The following NBAS variants were observed in gnomAD, a reference collection of about 807,000 sequenced individuals.
The protein encoded by NBAS is NAG/BC035112 fusion.
NBAS carries 219 observed loss-of-function variants against 302.5 expected under a neutral mutation model. The observed-to-expected ratio is 0.72, with a 90% CI of 0.65 to 0.81. The LOEUF is 0.81. Ranked by LOEUF, NBAS falls within the 30% of genes least tolerant of loss-of-function variation. The pLI is 0.00. For synonymous variants in NBAS, 1,118 were observed against 1,021.6 expected, an observed-to-expected ratio of 1.09 and a Z score of -1.80; for missense variants, 2,932 against 2,841.6, an observed-to-expected ratio of 1.03 and a Z score of -0.72.
the NBAS span, among the ~76,000 whole-genome samples, chr2:14,962,249 T>C: frequency 2.0e-5 from 3 of 152,148 alleles, no homozygotes. Context: ...GTCTGGGACA[T>C]GGGAGATTTG....
intron 28 of NBAS, among the ~76,000 whole-genome samples, chr2:15,385,638 T>C (rs181799686): frequency 6.6e-6 from 1 of 152,296 alleles, no homozygotes; most frequent in East Asian, 1.9e-4. Context: ...GGAGAAATAG[T>C]AGTGTACTCA....
the NBAS span, among the ~76,000 whole-genome samples, chr2:14,847,753 T>C: frequency 1.3e-5 from 2 of 152,180 alleles, no homozygotes; most frequent in Non-Finnish European, 2.9e-5. Flanking sequence ...AAGAAACATC[T>C]GACTTAATCT....
chr2:15,427,642 C>T, intron 22 of NBAS, 69 bp downstream of exon 22: 1 of 1,326,340 alleles, frequency 7.5e-7, no homozygotes, highest in Admixed American at 1.9e-5. Context: ...TCAGACACCA[C>T]TTTCACAGGG....
the NBAS span, among the ~76,000 whole-genome samples, chr2:14,883,897 A>T: frequency 6.6e-6 from 1 of 151,786 alleles, no homozygotes; most frequent in Non-Finnish European, 1.5e-5. Flanking sequence ...TGAGGTTGAG[A>T]CTGCAGTGAA....
intron 1 of NBAS, 52 bp downstream of exon 1, chr2:15,561,136 C>A: frequency 1.3e-6 from 2 of 1,553,650 alleles, no homozygotes; most frequent in Admixed American, 1.7e-5. Flanking sequence ...GTGGCTCTAC[C>A]CACGAAGCGC....
At chr2:14,925,251 G>T in the NBAS span, among the ~76,000 whole-genome samples, 54,358 of 151,820 alleles carry the variant, frequency 0.36, 9,934 homozygotes, top group African/African-American at 0.44. Context: ...ATATACAGAG[G>T]TCTCACCAGT....
At chr2:15,176,909 A>C (rs1196182735) in intron 51 of NBAS, among the ~76,000 whole-genome samples, 1 of 152,228 alleles carries the variant, frequency 6.6e-6, no homozygotes, top group African/African-American at 2.4e-5. Flanking sequence ...AAAAGTTAAA[A>C]AAATGTTTTT....
intron 3 of NBAS, among the ~76,000 whole-genome samples, chr2:15,556,114 T>G (rs999884784): frequency 5.9e-5 from 9 of 151,980 alleles, no homozygotes; most frequent in Non-Finnish European, 8.8e-5. Flanking sequence ...CACACATACA[T>G]AGAGTAAAAG....
intron 21 of NBAS, among the ~76,000 whole-genome samples, chr2:15,444,897 T>C (rs925491895): frequency 6.6e-6 from 1 of 151,514 alleles, no homozygotes; most frequent in Non-Finnish European, 1.5e-5. Flanking sequence ...AAAAAACACA[T>C]GAAAAAATGC....
the NBAS span, among the ~76,000 whole-genome samples, chr2:14,972,510 A>T: frequency 1.3e-5 from 2 of 152,226 alleles, no homozygotes; most frequent in African/African-American, 4.8e-5. Flanking sequence ...ATACACAAAG[A>T]TTTCTAAAAT....
At chr2:14,983,689 C>A in the NBAS span, among the ~76,000 whole-genome samples, 1 of 152,162 alleles carries the variant, frequency 6.6e-6, no homozygotes, top group Non-Finnish European at 1.5e-5. Context: ...GCCAAATTAT[C>A]TACATAGAGA....
the NBAS span, among the ~76,000 whole-genome samples, chr2:14,799,795 C>T: frequency 6.6e-6 from 1 of 152,078 alleles, no homozygotes; most frequent in South Asian, 2.1e-4. Flanking sequence ...GAAGAATTGA[C>T]AATTCTTTTA....
At chr2:15,285,707 C>A (rs1176898130) in intron 42 of NBAS, among the ~76,000 whole-genome samples, 1 of 152,158 alleles carries the variant, frequency 6.6e-6, no homozygotes, top group Non-Finnish European at 1.5e-5. Context: ...GGCTGGAGTG[C>A]AATGGCGCGA....
At chr2:15,300,042 G>A (rs905700287) in intron 40 of NBAS, among the ~76,000 whole-genome samples, 1 of 152,194 alleles carries the variant, frequency 6.6e-6, no homozygotes. Flanking sequence ...ATGCAGGCGA[G>A]GGAGGCAGCT....
intron 38 of NBAS, among the ~76,000 whole-genome samples, chr2:15,315,212 G>A (rs1357443693): frequency 6.6e-6 from 1 of 152,162 alleles, no homozygotes; most frequent in East Asian, 1.9e-4. Flanking sequence ...GTCAAGAGGT[G>A]AAGTTTACTG....
chr2:14,847,291 G>A, the NBAS span, among the ~76,000 whole-genome samples: 11 of 149,496 alleles, frequency 7.4e-5, no homozygotes, highest in South Asian at 1.9e-3. Flanking sequence ...GCTGAAGCAG[G>A]AGAATGGCAT....
At chr2:15,137,349 T>C in the NBAS span, among the ~76,000 whole-genome samples, 1 of 152,204 alleles carries the variant, frequency 6.6e-6, no homozygotes, top group African/African-American at 2.4e-5. Context: ...ATGGAGATAA[T>C]TCCTACCTGT....
At chr2:14,936,010 G>A in the NBAS span, among the ~76,000 whole-genome samples, 2 of 152,168 alleles carry the variant, frequency 1.3e-5, no homozygotes, top group Admixed American at 6.5e-5. Flanking sequence ...TAGTTCCAAT[G>A]AAAGCATGGA....
At chr2:15,374,759 T>C (rs1183667268) in intron 30 of NBAS, 39 bp from the exon 31 acceptor site, 2 of 1,508,566 alleles carry the variant, frequency 1.3e-6, no homozygotes, top group Admixed American at 1.7e-5. Flanking sequence ...AGAAGCAACA[T>C]ATGTTCACCT....
Sources: gnomAD v4.1 joint callset for allele counts (sites outside exome capture counted in the v4.1 genomes callset) on GRCh38, gnomAD v4.1.1 for gene constraint, MANE v1.5 for transcripts, NCBI Gene and HGNC (gene_info 2026-07-23, HGNC 2026-07-21) for gene names.